The following GAK variants were observed in gnomAD, a reference collection of about 807,000 sequenced individuals.
GAK encodes the protein cyclin-G-associated kinase.
In GAK, 79 loss-of-function variants were observed where a neutral mutation model predicts 143.9. The ratio of observed to expected loss-of-function variants is 0.55; its 90% CI spans 0.46 to 0.66. The LOEUF (loss-of-function observed/expected upper bound fraction) is 0.66, where lower values mean the gene tolerates loss of function less well. GAK is among the 30% of genes least tolerant of loss of function. The pLI, the probability that GAK is intolerant of heterozygous loss-of-function variation, is 0.00. For synonymous variants in GAK, 881 were observed against 765.5 expected (o/e 1.15, Z -2.49); for missense variants, 1,693 against 1,779.7 (o/e 0.95, Z 0.88).
At chr4:877,522 C>T (rs998010753) in intron 16 of GAK, 93 bp downstream of exon 16, 17 of 1,324,790 alleles carry the variant, frequency 1.3e-5, no homozygotes, top group South Asian at 1.0e-4. Flanking sequence ...CCTCAGCAAG[C>T]GCCTGTCCCC....
intron 1 of GAK, among the ~76,000 whole-genome samples, chr4:925,421 G>C (rs1724560324): frequency 6.6e-6 from 1 of 152,240 alleles, no homozygotes; most frequent in South Asian, 2.1e-4. Context: ...CCGGGGGACA[G>C]TGAGGTCAGT....
chr4:890,713 A>G (rs1296067889), intron 9 of GAK, 91 bp from the exon 10 acceptor site: 44 of 994,894 alleles, frequency 4.4e-5, no homozygotes, highest in Non-Finnish European at 6.4e-5. Context: ...GTGCCCTCAG[A>G]GCCCATCCTT....
At chr4:931,444 G>C (rs771971266) in intron 1 of GAK, among the ~76,000 whole-genome samples, 15 of 88,668 alleles carry the variant, frequency 1.7e-4, no homozygotes, top group Non-Finnish European at 2.7e-4. Context: ...GGCTACAACC[G>C]CAACTACCTG....
At chr4:924,606 G>C (rs1010664971) in intron 1 of GAK, among the ~76,000 whole-genome samples, 4 of 152,212 alleles carry the variant, frequency 2.6e-5, no homozygotes, top group African/African-American at 9.7e-5. Flanking sequence ...CATACGGTTT[G>C]GATCTGCGTC....
In GAK at chr4:932,251, C is replaced by A; in HGVS notation, c.-64G>T. The A allele has an allele frequency of 6.9e-7, 1 of 1,458,420 alleles. No individual in the cohort carries two copies. The highest frequency in any genetic ancestry group is 9.0e-7 in the Non-Finnish European group (1 of 1,111,988). 90.3% of individuals were successfully genotyped at this position (1,458,420 alleles called of 1,614,324 possible). ...TCGGGCTCGGGCTCCCGCTCCCTCGCCGTCCGGGTCAGCTCAGCAACCGCC... is the reference window on the plus strand; with the variant it reads ...TCGGGCTCGGGCTCCCGCTCCCTCGACGTCCGGGTCAGCTCAGCAACCGCC... On this transcript the variant is annotated 5_prime_UTR_variant, in exon 1 of 28. Coordinates refer to ENST00000314167, the MANE Select transcript of GAK (RefSeq NM_005255.4). The surrounding 1 kb of genome is among the most constrained non-coding windows in gnomAD (Gnocchi z 4.0).
chr4:908,407 G>A (rs1224586671), intron 4 of GAK, among the ~76,000 whole-genome samples: 3 of 152,154 alleles, frequency 2.0e-5, no homozygotes, highest in African/African-American at 4.8e-5. Flanking sequence ...TCTCGCCAGC[G>A]ATCCCAGCGC....
At chr4:902,488 G>A (rs1411127225) in intron 5 of GAK, among the ~76,000 whole-genome samples, 1 of 150,894 alleles carries the variant, frequency 6.6e-6, no homozygotes, top group Non-Finnish European at 1.5e-5. Context: ...TGTGGTCCCA[G>A]CTACTCAGGA....
intron 1 of GAK, among the ~76,000 whole-genome samples, chr4:922,489 T>C (rs1724068294): frequency 7.9e-6 from 1 of 127,192 alleles, no homozygotes; most frequent in Admixed American, 1.0e-4. Flanking sequence ...CACTCCAGTC[T>C]GGGTGACAGA....
chr4:872,871 G>C (rs17165125), intron 18 of GAK: 5,473 of 155,700 alleles, frequency 0.035, 195 homozygotes, highest in East Asian at 0.18. Context: ...GCGGACTCCT[G>C]ACAGGCTCAG....
intron 18 of GAK, chr4:872,195 C>T (rs996725056): frequency 1.3e-5 from 2 of 152,284 alleles, no homozygotes; most frequent in African/African-American, 2.4e-5. Context: ...CCCCTTCCTG[C>T]TCACCCTCTA....
intron 23 of GAK, among the ~76,000 whole-genome samples, chr4:864,318 G>A (rs931722910): frequency 1.8e-4 from 28 of 152,240 alleles, no homozygotes; most frequent in Middle Eastern, 3.4e-3. Flanking sequence ...TAGAGATTGC[G>A]CCACTATGCT....
At chr4:904,899 C>T (rs1284843101) in intron 4 of GAK, 120 bp from the exon 5 acceptor site, 2 of 1,004,878 alleles carry the variant, frequency 2.0e-6, no homozygotes, top group African/African-American at 1.7e-5. Context: ...ACTTTCCACA[C>T]CTAAGTAACA....
chr4:920,131 A>AC (rs1206773015), intron 1 of GAK, among the ~76,000 whole-genome samples: 1 of 151,754 alleles, frequency 6.6e-6, no homozygotes, highest in African/African-American at 2.4e-5. Context: ...ACGCAGTGAG[A>AC]CCCCGTCTCT....
intron 17 of GAK, 91 bp from the exon 18 acceptor site, chr4:876,700 G>T: frequency 8.8e-7 from 1 of 1,130,800 alleles, no homozygotes; most frequent in South Asian, 1.3e-5. Flanking sequence ...CGAGATCTGA[G>T]AGCGGCTCAT....
intron 9 of GAK, 119 bp from the exon 10 acceptor site, chr4:890,741 A>G (rs1717480544): frequency 3.9e-6 from 3 of 765,826 alleles, no homozygotes; most frequent in Non-Finnish European, 6.5e-6. Context: ...CTGATCTATG[A>G]CACAGTGCAA....
At chr4:857,124 T>C (rs1232451221) in intron 24 of GAK, among the ~76,000 whole-genome samples, 2 of 152,260 alleles carry the variant, frequency 1.3e-5, no homozygotes, top group Non-Finnish European at 2.9e-5. Flanking sequence ...AAATAGATTT[T>C]GTTAACAATT....
In GAK at chr4:907,897, C is replaced by T. The variant is rs184061868; in HGVS notation, c.383-3118G>A. ...GGCGCGCGCATGCGTTAGTCTGCCT[C>T]GTGTATTTATGACTTGAGGGGCTGG... On this transcript the variant is annotated intron_variant, in intron 4 of 27. Transcript: ENST00000314167. 1.8e-3 allele frequency among the ~76,000 whole-genome samples: 275 copies of T among 152,284 alleles called. 2 individuals carry two copies. The highest frequency in any genetic ancestry group is 0.011 in the Admixed American group (176 of 15,308).
intron 1 of GAK, among the ~76,000 whole-genome samples, chr4:925,465 T>C (rs75885647): frequency 0.037 from 5,676 of 152,298 alleles, 154 homozygotes; most frequent in East Asian, 0.14. Flanking sequence ...GAGTATCTTT[T>C]TTAATCAACT....
At chr4:857,994 G>A (rs1436613178) in intron 24 of GAK, among the ~76,000 whole-genome samples, 6 of 152,174 alleles carry the variant, frequency 3.9e-5, no homozygotes, top group Admixed American at 1.3e-4. Context: ...CCTCCTCTCT[G>A]GCCCAGGTGT....
Sources: gnomAD v4.1 joint callset for allele counts (sites outside exome capture counted in the v4.1 genomes callset) on GRCh38, gnomAD v4.1.1 for gene constraint, Gnocchi (gnomAD v3.1) non-coding constraint, MANE v1.5 for transcripts, NCBI Gene and HGNC (gene_info 2026-07-23, HGNC 2026-07-21) for gene names.